PKHD1: variants seen among roughly 807,000 people sequenced by gnomAD.
PKHD1 encodes PKHD1 ciliary IPT domain containing fibrocystin/polyductin.
A neutral mutation model predicts 412.0 loss-of-function variants in PKHD1; 291 were observed. The ratio of observed to expected loss-of-function variants is 0.71; its 90% CI spans 0.64 to 0.78. The LOEUF is 0.78. Ranked by LOEUF, PKHD1 falls within the 30% of genes least tolerant of loss-of-function variation. PKHD1 has a pLI of 0.00. For missense variants in PKHD1, 4,825 were observed against 4,950.7 expected (o/e 0.97, Z 0.76); for synonymous variants, 1,777 against 1,821.5 (o/e 0.98, Z 0.62).
At position 51,704,174 on chromosome 6, in the gene PKHD1, G is replaced by A. The variant is rs187488939; in HGVS notation, c.10156+40211C>T. On this transcript the variant is annotated intron_variant, in intron 60 of 66. Coordinates refer to ENST00000371117, the MANE Select transcript of PKHD1 (RefSeq NM_138694.4). Reference sequence around the variant, plus strand: ...GGCATGCAATCTATTTTCTAGATTGGTAAATAAAGCATAGACACCCATCAA... The same window carrying A: ...GGCATGCAATCTATTTTCTAGATTGATAAATAAAGCATAGACACCCATCAA... Among the ~76,000 whole-genome samples the A allele has an allele frequency of 2.2e-4, 33 of 152,096 alleles. 1 individual carries two copies. The highest frequency in any genetic ancestry group is 7.5e-4 in the African/African-American group (31 of 41,526).
At chr6:51,800,381 A>G (rs1225150674) in intron 52 of PKHD1, among the ~76,000 whole-genome samples, 1 of 152,040 alleles carries the variant, frequency 6.6e-6, no homozygotes, top group East Asian at 1.9e-4. Flanking sequence ...CACCAAATGC[A>G]ACAACAACAA....
chr6:51,787,145 G>A (rs1424677630), intron 53 of PKHD1, among the ~76,000 whole-genome samples: 1 of 152,154 alleles, frequency 6.6e-6, no homozygotes. Flanking sequence ...CGGATCACGA[G>A]TTCAGGAGTT....
At position 51,775,797 on chromosome 6, in the gene PKHD1, TA is replaced by T; in HGVS notation, c.8554+10del. 8.2e-7 allele frequency: 1 copy of T among 1,217,132 alleles called. No homozygotes were observed. Among genetic ancestry groups the T allele is most frequent in the Non-Finnish European group, 1.2e-6 (1 of 820,862 alleles). The allele number at this position is 1,217,132 out of a possible 1,614,324, so 75.4% of individuals were successfully genotyped here. A position where few individuals can be genotyped will look rare whatever the true frequency, so the allele number is the denominator to read the frequency against. ...ATTTTATTTTTAATAAAAACTATAT[TA>T]TACTCTTACCAATTGTTCCTGGGTC... On this transcript the variant is annotated intron_variant, in intron 54 of 66. Transcript: ENST00000371117.
chr6:51,887,842 CT>C (rs1778463801), intron 43 of PKHD1, among the ~76,000 whole-genome samples: 2 of 152,210 alleles, frequency 1.3e-5, no homozygotes, highest in African/African-American at 4.8e-5. Context: ...CGAGAATGAA[CT>C]AATAAAAATA....
intron 60 of PKHD1, among the ~76,000 whole-genome samples, chr6:51,672,322 C>A (rs1465243318): frequency 2.0e-5 from 3 of 152,200 alleles, no homozygotes; most frequent in African/African-American, 7.2e-5. Context: ...AATGCTGTAG[C>A]TAGTCCACTG....
Position 52,024,916 on chromosome 6 carries a change from C to T in PKHD1, c.4894G>A (p.Gly1632Ser). The T allele has an allele frequency of 6.2e-7, 1 of 1,614,128 alleles. No individual in the cohort carries two copies. The highest frequency in any genetic ancestry group is 1.1e-5 in the South Asian group (1 of 91,058). The change falls in exon 32 of 67, where the codon GGC becomes AGC. Residue 1632 changes from glycine to serine, a missense_variant. Physicochemically the swap from Gly to Ser is moderately conservative, Grantham distance 56 (BLOSUM62 0). Transcript: ENST00000371117. Reference protein sequence around the residue: ...LIRCIVPTGNGSVALEIEVDG... With the variant: ...LIRCIVPTGNSSVALEIEVDG... ...ACCTCTATTTCCAGGGCAACAGAGC[C>T]ATTCCCTGTGGGAACAATGCACCGG...
At chr6:51,869,744 T>A (rs1026735204) in intron 47 of PKHD1, among the ~76,000 whole-genome samples, 1 of 151,868 alleles carries the variant, frequency 6.6e-6, no homozygotes, top group Non-Finnish European at 1.5e-5. Flanking sequence ...TAAACTCAGA[T>A]GCCACCCAAA....
chr6:51,661,383 G>A (rs963719083), intron 60 of PKHD1, among the ~76,000 whole-genome samples: 1 of 152,104 alleles, frequency 6.6e-6, no homozygotes, highest in Non-Finnish European at 1.5e-5. Context: ...CCAAGCGAAT[G>A]GGAGAAGAGG....
intron 43 of PKHD1, among the ~76,000 whole-genome samples, chr6:51,887,937 T>C (rs1310111028): frequency 6.6e-6 from 1 of 152,244 alleles, no homozygotes; most frequent in Non-Finnish European, 1.5e-5. Flanking sequence ...CAAGCCTCTT[T>C]CTAAGCTTCC....
At chr6:51,799,066 T>C (rs1315922648) in intron 52 of PKHD1, among the ~76,000 whole-genome samples, 1 of 152,108 alleles carries the variant, frequency 6.6e-6, no homozygotes, top group African/African-American at 2.4e-5. Flanking sequence ...TTATAACCAC[T>C]TGAGAACAGG....
intron 4 of PKHD1, 152 bp downstream of exon 4, chr6:52,082,240 T>C (rs1812146007): frequency 2.6e-6 from 2 of 777,606 alleles, no homozygotes; most frequent in South Asian, 3.0e-5. Flanking sequence ...GATAGGGACC[T>C]TTTAGAAAGC....
chr6:51,994,900 C>T (rs1384255852), intron 35 of PKHD1, among the ~76,000 whole-genome samples: 1 of 152,060 alleles, frequency 6.6e-6, no homozygotes, highest in African/African-American at 2.4e-5. Context: ...TTTCCCCAGA[C>T]GTGCCTCCAA....
At chr6:51,650,326 C>A (rs1424630922) in intron 61 of PKHD1, among the ~76,000 whole-genome samples, 2 of 152,110 alleles carry the variant, frequency 1.3e-5, no homozygotes, top group African/African-American at 4.8e-5. Flanking sequence ...CATAGGCATG[C>A]AACAGATGTT....
chr6:51,914,619 A>G (rs140951258), intron 37 of PKHD1, among the ~76,000 whole-genome samples: 1 of 152,126 alleles, frequency 6.6e-6, no homozygotes, highest in Non-Finnish European at 1.5e-5. Flanking sequence ...TTTCAATTAC[A>G]TCCCTTCTTT....
intron 27 of PKHD1, among the ~76,000 whole-genome samples, chr6:52,039,549 G>A (rs79148111): frequency 0.031 from 4,646 of 152,308 alleles, 83 homozygotes; most frequent in Non-Finnish European, 0.049. Flanking sequence ...GCTGAACTGT[G>A]AGTCAATTAC....
At chr6:51,775,476 G>A (rs944933712) in intron 54 of PKHD1, among the ~76,000 whole-genome samples, 8 of 151,908 alleles carry the variant, frequency 5.3e-5, no homozygotes, top group African/African-American at 1.9e-4. Context: ...TTGTATAAAT[G>A]TATCAATAAT....
At position 51,619,129 on chromosome 6, in the gene PKHD1, T is replaced by C; in HGVS notation, c.12177A>G (p.Ala4059=). 1 of 1,614,276 alleles carries C rather than the reference T, an allele frequency of 6.2e-7. No homozygotes were observed. Among genetic ancestry groups the C allele is most frequent in the Non-Finnish European group, 8.5e-7 (1 of 1,180,042 alleles). The part of the protein sequence containing the change: ...EKKASCGATE[A]FCLHSVHPET... ...CCGGGTGTACTGAATGAAGGCAGAA[T>C]GCCTCAGTGGCCCCGCAGGAGGCTT... Residue 4059 remains alanine (A), a synonymous_variant, in exon 67 of 67, where the codon GCA becomes GCG. Coordinates refer to ENST00000371117, the MANE Select transcript of PKHD1 (RefSeq NM_138694.4).
At chr6:51,777,505 A>G (rs1433689238) in intron 53 of PKHD1, among the ~76,000 whole-genome samples, 1 of 152,054 alleles carries the variant, frequency 6.6e-6, no homozygotes, top group East Asian at 1.9e-4. Flanking sequence ...CTGATGCATC[A>G]TCTTAGTGAA....
intron 33 of PKHD1, among the ~76,000 whole-genome samples, chr6:52,021,726 T>G (rs1801429406): frequency 6.6e-6 from 1 of 152,070 alleles, no homozygotes; most frequent in Non-Finnish European, 1.5e-5. Context: ...AACAAAAATT[T>G]TTTTCTCCTC....
Sources: gnomAD v4.1 joint callset for allele counts (sites outside exome capture counted in the v4.1 genomes callset) on GRCh38, gnomAD v4.1.1 for gene constraint, MANE v1.5 for transcripts, NCBI Gene and HGNC (gene_info 2026-07-23, HGNC 2026-07-21) for gene names.